KIZ: variants seen among roughly 807,000 people sequenced by gnomAD.
KIZ encodes the protein kizuna centrosomal protein.
In KIZ, 68 loss-of-function variants were observed where a neutral mutation model predicts 79.6. That is an observed-to-expected ratio of 0.85 (90% confidence interval 0.70 to 1.05). The LOEUF (loss-of-function observed/expected upper bound fraction) is 1.05. KIZ is among the 50% of genes least tolerant of loss of function. The pLI is 0.00. For missense variants in KIZ, 797 were observed against 800.4 expected (o/e 1.00, Z 0.05); for synonymous variants, 280 against 281.8 (o/e 0.99, Z 0.06).
chr20:21,208,900 C>T (rs536681286), intron 7 of KIZ, among the ~76,000 whole-genome samples: 4 of 152,166 alleles, frequency 2.6e-5, no homozygotes, highest in African/African-American at 9.6e-5. Flanking sequence ...AATCAAGTGT[C>T]TTTGAGTTGT....
chr20:21,168,307 A>C (rs1001729339), intron 6 of KIZ, among the ~76,000 whole-genome samples: 2 of 152,104 alleles, frequency 1.3e-5, no homozygotes, highest in African/African-American at 4.8e-5. Context: ...CATTTTCTTA[A>C]TCCAGTCTGT....
In KIZ at chr20:21,162,966, C is replaced by T. The variant is rs1307486909; in HGVS notation, c.1159C>T (p.Leu387=). ...DLTISISEDD[L]ILESPEPQPN... is the part of the protein sequence containing the mutation. Reference sequence around the variant, plus strand: ...TACCATTTCAATAAGTGAAGATGATCTGATTTTAGAGAGCCCAGAACCACA... The same window carrying T: ...TACCATTTCAATAAGTGAAGATGATTTGATTTTAGAGAGCCCAGAACCACA... Residue 387 remains leucine, a synonymous_variant, in exon 6 of 13, where the codon CTG becomes TTG. Transcript: ENST00000619189. 3 of 1,613,650 alleles carry T rather than the reference C, an allele frequency of 1.9e-6. No individual in the cohort carries two copies. In the Admixed American group the frequency reaches 5.0e-5, roughly 27 times the overall value.
chr20:21,235,193 A>T (rs745716877), intron 11 of KIZ, among the ~76,000 whole-genome samples: 6 of 152,200 alleles, frequency 3.9e-5, no homozygotes, highest in Admixed American at 2.6e-4. Context: ...AGATGCAAAG[A>T]GATACTCTTA....
rs531087962 is a variant in KIZ, at chr20:21,245,281, A to C, written c.1924+993A>C. The stretch of plus-strand genomic sequence containing the variant: ...CCTTTTTAGCAAGCACCCCACTGTG[A>C]ATCACTCTTCTAGAAGGACAGCTAC... On this transcript the variant is annotated intron_variant, in intron 12 of 12. Coordinates refer to ENST00000619189, the MANE Select transcript of KIZ (RefSeq NM_018474.6). 6 of 152,292 alleles carry C rather than the reference A, an allele frequency of 3.9e-5. 1 individual carries two copies. The South Asian group carries it at 1.2e-3, about 32-fold the overall frequency. 9.4% of individuals were successfully genotyped at this position (152,292 alleles called of 1,614,324 possible).
In KIZ at chr20:21,162,972, T is replaced by C; in HGVS notation, c.1165T>C (p.Leu389=). 6.2e-7 allele frequency: 1 copy of C among 1,613,816 alleles called. No homozygotes were observed. The highest frequency in any genetic ancestry group is 1.7e-4 in the Middle Eastern group (1 of 6,060). The change falls in exon 6 of 13, where the codon TTA becomes CTA. Residue 389 remains leucine, a synonymous_variant. Coordinates refer to ENST00000619189, the MANE Select transcript of KIZ (RefSeq NM_018474.6). The part of the protein sequence containing the change: ...TISISEDDLI[L]ESPEPQPNPG... ...TTCAATAAGTGAAGATGATCTGATTTTAGAGAGCCCAGAACCACAGCCAAA... is the reference window on the plus strand; with the variant it reads ...TTCAATAAGTGAAGATGATCTGATTCTAGAGAGCCCAGAACCACAGCCAAA...
intron 7 of KIZ, 62 bp from the exon 8 acceptor site, chr20:21,214,473 A>G: frequency 8.3e-7 from 1 of 1,209,696 alleles, no homozygotes; most frequent in South Asian, 1.5e-5. Flanking sequence ...TATCTTTGAG[A>G]CCAAGAGGAA....
intron 6 of KIZ, among the ~76,000 whole-genome samples, chr20:21,170,108 G>A (rs933795665): frequency 1.3e-5 from 2 of 152,066 alleles, no homozygotes; most frequent in Non-Finnish European, 2.9e-5. Context: ...TGGATCATGT[G>A]TAAGTCTGTT....
At chr20:21,173,432 G>C (rs930416678) in intron 6 of KIZ, among the ~76,000 whole-genome samples, 12 of 152,050 alleles carry the variant, frequency 7.9e-5, no homozygotes, top group Non-Finnish European at 1.6e-4. Flanking sequence ...ATAAAAATTA[G>C]CTGGGTGTGG....
intron 6 of KIZ, among the ~76,000 whole-genome samples, chr20:21,203,628 G>T (rs2035683556): frequency 6.6e-6 from 1 of 152,136 alleles, no homozygotes; most frequent in African/African-American, 2.4e-5. Flanking sequence ...TTTATTGGAA[G>T]AACTTTTCCT....
intron 6 of KIZ, among the ~76,000 whole-genome samples, chr20:21,188,032 C>T (rs2034957936): frequency 6.6e-6 from 1 of 152,190 alleles, no homozygotes; most frequent in Admixed American, 6.5e-5. Context: ...GCCTCATTTT[C>T]TCAGAGGTAA....
chr20:21,201,646 A>G (rs941867154), intron 6 of KIZ, among the ~76,000 whole-genome samples: 1 of 152,276 alleles, frequency 6.6e-6, no homozygotes, highest in Non-Finnish European at 1.5e-5. Context: ...TTTCAAGTAC[A>G]TGAAATTAAT....
chr20:21,184,838 T>C (rs907865877), intron 6 of KIZ, among the ~76,000 whole-genome samples: 3 of 152,024 alleles, frequency 2.0e-5, no homozygotes, highest in Admixed American at 2.0e-4. Flanking sequence ...GGCCAGGAGA[T>C]TGAGACCAGC....
rs1414893860 is a variant in KIZ, at chr20:21,205,598, C to G, written c.1446+14C>G. The G allele has an allele frequency of 1.7e-6, 2 of 1,179,672 alleles. No homozygotes were observed. Among genetic ancestry groups the G allele is most frequent in the South Asian group, 2.6e-5 (2 of 75,640 alleles). 73.1% of individuals were successfully genotyped at this position (1,179,672 alleles called of 1,614,324 possible). ...GTCAAAGAAGAGGTAGGTAGCTAAA[C>G]TGTCTGAAGTTTTCCCAATCACAAA... On this transcript the variant is annotated intron_variant, in intron 7 of 12. Coordinates refer to ENST00000619189, the MANE Select transcript of KIZ (RefSeq NM_018474.6).
intron 4 of KIZ, among the ~76,000 whole-genome samples, chr20:21,146,025 T>C (rs1275436340): frequency 1.3e-5 from 2 of 152,234 alleles, no homozygotes; most frequent in Non-Finnish European, 1.5e-5. Context: ...CATAATTTTG[T>C]ACATTTTAAC....
intron 6 of KIZ, among the ~76,000 whole-genome samples, chr20:21,167,344 A>G (rs570265204): frequency 6.6e-6 from 1 of 152,342 alleles, no homozygotes; most frequent in South Asian, 2.1e-4. Context: ...TTGTGGGAAC[A>G]CATGGTAACA....
chr20:21,205,547 C>T lies in KIZ; in HGVS notation c.1409C>T (p.Ala470Val), dbSNP rs769511209. The change falls in exon 7 of 13, where the codon GCC (alanine) becomes GTC (valine). Residue 470 changes from alanine to valine, a missense_variant. Transcript: ENST00000619189. ...VPRAQVGQHV[A>V]TLKEHDNSVK... ...AGGGCACAGGTGGGTCAGCATGTTG[C>T]CACCTTGAAAGAACATGATAATTCT... is the stretch of plus-strand genomic sequence containing the variant. The T allele has an allele frequency of 1.9e-6, 3 of 1,564,516 alleles. No individual in the cohort carries two copies. In the Admixed American group the frequency reaches 5.4e-5, roughly 28 times the overall value.
At chr20:21,135,762 T>C (rs180798846) in intron 2 of KIZ, among the ~76,000 whole-genome samples, 1 of 152,274 alleles carries the variant, frequency 6.6e-6, no homozygotes, top group Admixed American at 6.5e-5. Flanking sequence ...ACAGAAAAAT[T>C]GGAATGCAGA....
At position 21,126,174 on chromosome 20, in the gene KIZ, T is replaced by G; in HGVS notation, c.59T>G (p.Leu20Arg). ...TCGAGTCCCGACTACTACGAGAGGC[T>G]GGGCCAACTCCAGCACGGGCTGCGG... ...PLSSPDYYERLGQLQHGLRDS... is the reference protein window; with the variant it reads ...PLSSPDYYERRGQLQHGLRDS... The change falls in exon 1 of 13, where the codon CTG becomes CGG. Residue 20 changes from leucine to arginine, a missense_variant. Transcript: ENST00000619189. 2.0e-6 allele frequency: 3 copies of G among 1,502,690 alleles called. No homozygotes were observed. The highest frequency in any genetic ancestry group is 2.7e-6 in the Non-Finnish European group (3 of 1,123,718). 93.1% of individuals were successfully genotyped at this position (1,502,690 alleles called of 1,614,324 possible).
At chr20:21,158,394 A>G (rs182298188) in intron 4 of KIZ, 9 of 152,290 alleles carry the variant, frequency 5.9e-5, no homozygotes, top group Admixed American at 4.6e-4. Flanking sequence ...AAAGTATCCT[A>G]CTGATAAACT....
Sources: gnomAD v4.1 joint callset for allele counts (sites outside exome capture counted in the v4.1 genomes callset) on GRCh38, gnomAD v4.1.1 for gene constraint, MANE v1.5 for transcripts, NCBI Gene and HGNC (gene_info 2026-07-23, HGNC 2026-07-21) for gene names.